Variants in GSG1L observed in about 807,000 individuals in gnomAD.
GSG1L encodes the protein germ cell-specific gene 1-like protein.
Under a neutral mutation model 42.1 loss-of-function variants are expected in GSG1L, and 24 were observed. That is an observed-to-expected ratio of 0.57 (90% CI 0.41 to 0.80). The LOEUF (loss-of-function observed/expected upper bound fraction) is 0.80, where lower values mean the gene tolerates loss of function less well. Among genes scored for constraint, GSG1L ranks in the 30% least tolerant of loss-of-function variants. The pLI, the probability that GSG1L is intolerant of heterozygous loss-of-function variation, is 0.00. For missense variants in GSG1L, 445 were observed against 472.2 expected (o/e 0.94, Z 0.53); for synonymous variants, 215 against 203.5 (o/e 1.06, Z -0.48).
At chr16:27,793,520 G>A (rs975054720) in intron 6 of GSG1L, among the ~76,000 whole-genome samples, 8 of 151,868 alleles carry the variant, frequency 5.3e-5, no homozygotes, top group African/African-American at 1.7e-4. Context: ...GCAAATATTT[G>A]GTGCATGGAA....
At chr16:27,811,763 C>T (rs908770239) in intron 5 of GSG1L, among the ~76,000 whole-genome samples, 18 of 152,232 alleles carry the variant, frequency 1.2e-4, no homozygotes, top group African/African-American at 4.3e-4. Flanking sequence ...ATTCTCCTGC[C>T]TCAGCCTCCC....
At chr16:27,886,941 CTCTT>C (rs957126010) in intron 2 of GSG1L, among the ~76,000 whole-genome samples, 28 of 152,062 alleles carry the variant, frequency 1.8e-4, no homozygotes, top group Admixed American at 8.5e-4. Context: ...TTTTCTTTCT[CTCTT>C]TCTTTCTTTT....
intron 2 of GSG1L, among the ~76,000 whole-genome samples, chr16:27,929,824 G>A (rs1349303335): frequency 6.6e-6 from 1 of 152,124 alleles, no homozygotes; most frequent in Non-Finnish European, 1.5e-5. Flanking sequence ...AGCATGGCGT[G>A]AGCAAACCAG....
chr16:28,044,572 C>T (rs1184197470), intron 1 of GSG1L, among the ~76,000 whole-genome samples: 7 of 150,848 alleles, frequency 4.6e-5, no homozygotes, highest in African/African-American at 1.7e-4. Flanking sequence ...ATTATCAGCA[C>T]TACAAAGAAA....
chr16:27,844,987 A>T lies in GSG1L; in HGVS notation c.625T>A (p.Trp209Arg), dbSNP rs745398472. The change falls in exon 4 of 7, where the codon TGG becomes AGG. Residue 209 changes from tryptophan (W) to arginine (R), a missense_variant. By Grantham distance (101) the Trp-to-Arg change is moderately radical. Coordinates refer to ENST00000447459, the MANE Select transcript of GSG1L (RefSeq NM_001109763.2). ...CCGTAGTCCCAGGAATGGGGTCTCC[A>T]GTCCTCAGGACCGAGGCTCACGGTG... Reference protein sequence around the residue: ...QVTVSLGPEDWRPHSWDYGWS... With the variant: ...QVTVSLGPEDRRPHSWDYGWS... 1 of 1,613,466 alleles carries T rather than the reference A, an allele frequency of 6.2e-7. No homozygotes were observed. Among genetic ancestry groups the T allele is most frequent in the Non-Finnish European group, 8.5e-7 (1 of 1,179,602 alleles).
chr16:28,011,582 T>C (rs1374471596), intron 1 of GSG1L, among the ~76,000 whole-genome samples: 1 of 152,156 alleles, frequency 6.6e-6, no homozygotes. Flanking sequence ...GTCAGAACCC[T>C]GGTTTTTGGG....
In GSG1L at chr16:27,923,224, AG is replaced by A. The variant is rs200655198; in HGVS notation, c.398-38587del. On this transcript the variant is annotated intron_variant, in intron 2 of 6. Coordinates refer to ENST00000447459, the MANE Select transcript of GSG1L (RefSeq NM_001109763.2). ...GGCTCTGCTGCTCCCGGCCAGGATCAGGTCTCTGTGTGGCACTCAGCACACC... is the reference window on the plus strand; with the variant it reads ...GGCTCTGCTGCTCCCGGCCAGGATCAGTCTCTGTGTGGCACTCAGCACACC... Among the ~76,000 whole-genome samples, 687 of 152,320 alleles carry A rather than the reference AG, an allele frequency of 4.5e-3. 4 individuals are homozygous for A. The highest frequency in any genetic ancestry group is 0.016 in the African/African-American group (672 of 41,574).
In GSG1L at chr16:27,867,851, A is replaced by T. The variant is rs568831667; in HGVS notation, c.550+16635T>A. On this transcript the variant is annotated intron_variant, in intron 3 of 6. Transcript: ENST00000447459. ...GCCACTTCCTGGCCACGCCCCTCAA[A>T]GTCCAGCTTTCCGGCTGAGTCGGAG... is the stretch of plus-strand genomic sequence containing the variant. Among the ~76,000 whole-genome samples the T allele has an allele frequency of 4.6e-5, 7 of 152,110 alleles. No homozygotes were observed. In the East Asian group the frequency reaches 1.4e-3, roughly 29 times the overall value.
chr16:28,063,057 G>T lies in GSG1L; in HGVS notation c.349+19C>A. On this transcript the variant is annotated intron_variant, in intron 1 of 6. Transcript: ENST00000447459. This position sits in a 1 kb window ranked among gnomAD's most constrained non-coding sequence, Gnocchi z 5.8. ...CGGGGGAGCCGGAGCCGAGCTGGCC[G>T]CCGCCCGCGCGCACTCACCAAGCCC... 2 of 1,394,804 alleles carry T rather than the reference G, an allele frequency of 1.4e-6. No individual in the cohort carries two copies. The highest frequency in any genetic ancestry group is 1.9e-6 in the Non-Finnish European group (2 of 1,068,172). The allele number at this position is 1,394,804 out of a possible 1,614,324, so 86.4% of individuals were successfully genotyped here. A position where few individuals can be genotyped will look rare whatever the true frequency, so the allele number is the denominator to read the frequency against.
At chr16:28,009,868 A>AT (rs2085692895) in intron 1 of GSG1L, among the ~76,000 whole-genome samples, 1 of 152,258 alleles carries the variant, frequency 6.6e-6, no homozygotes, top group South Asian at 2.1e-4. Flanking sequence ...ACAAGTGAAG[A>AT]AACTGTCTTA....
chr16:27,853,158 T>G (rs568551788), intron 3 of GSG1L, among the ~76,000 whole-genome samples: 1 of 152,330 alleles, frequency 6.6e-6, no homozygotes, highest in East Asian at 1.9e-4. Context: ...ATAAATCTCT[T>G]ATCTGAACGT....
rs959709671 is a variant in GSG1L at position 27,791,606 on chromosome 16, A to T, written c.899-139T>A. On this transcript the variant is annotated intron_variant, in intron 6 of 6. Coordinates refer to ENST00000447459, the MANE Select transcript of GSG1L (RefSeq NM_001109763.2). ...TGCCCATCATGCCTTTTGTCTACCG[A>T]TCCATGCCCAACACCACCAGCTCTC... The T allele has an allele frequency of 6.2e-6, 3 of 486,608 alleles. No individual in the cohort carries two copies. In the East Asian group the frequency reaches 1.1e-4, roughly 17 times the overall value. The allele number at this position is 486,608 out of a possible 1,614,324, so 30.1% of individuals were successfully genotyped here.
intron 2 of GSG1L, among the ~76,000 whole-genome samples, chr16:27,962,618 G>C (rs569037149): frequency 9.8e-5 from 15 of 152,290 alleles, no homozygotes; most frequent in Admixed American, 3.3e-4. Context: ...CTCAAGCTGT[G>C]CCCTGCTCCT....
At chr16:27,913,179 A>G (rs2084411978) in intron 2 of GSG1L, among the ~76,000 whole-genome samples, 1 of 152,202 alleles carries the variant, frequency 6.6e-6, no homozygotes, top group African/African-American at 2.4e-5. Flanking sequence ...GTACCCATGT[A>G]CCATGTTAAC....
intron 2 of GSG1L, among the ~76,000 whole-genome samples, chr16:27,948,908 C>CTATTATTATTAT (rs372937677): frequency 0.011 from 1,556 of 141,382 alleles, 28 homozygotes; most frequent in East Asian, 0.047. Flanking sequence ...CGCACCTGAT[C>CTATTATTATTAT]TATTATTATT....
rs578129490 is a variant in GSG1L, at chr16:27,788,062, A to T, written c.*3308T>A. The T allele has an allele frequency of 1.3e-5, 2 of 152,322 alleles. No homozygotes were observed. Among genetic ancestry groups the T allele is most frequent in the African/African-American group, 4.8e-5 (2 of 41,556 alleles). The allele number at this position is 152,322 out of a possible 1,614,324, so 9.4% of individuals were successfully genotyped here. A position where few individuals can be genotyped will look rare whatever the true frequency, so the allele number is the denominator to read the frequency against. ...GTTCGCTTGATGAATCAATGCGTGAATGAATGAGCACAAACCTCCAGCTGG... is the reference window on the plus strand; with the variant it reads ...GTTCGCTTGATGAATCAATGCGTGATTGAATGAGCACAAACCTCCAGCTGG... On this transcript the variant is annotated 3_prime_UTR_variant, in exon 7 of 7. Transcript: ENST00000447459.
At chr16:27,864,217 A>G (rs890979164) in intron 3 of GSG1L, among the ~76,000 whole-genome samples, 10 of 152,244 alleles carry the variant, frequency 6.6e-5, no homozygotes, top group Non-Finnish European at 1.5e-5. Flanking sequence ...CATTGTGGGC[A>G]AGGAGATGGA....
At chr16:28,053,774 T>C (rs2086246622) in intron 1 of GSG1L, among the ~76,000 whole-genome samples, 1 of 152,222 alleles carries the variant, frequency 6.6e-6, no homozygotes, top group African/African-American at 2.4e-5. Flanking sequence ...CGTGTGTCTC[T>C]TTCTCTGCCC....
At chr16:27,920,787 C>G (rs1434089481) in intron 2 of GSG1L, among the ~76,000 whole-genome samples, 4 of 152,286 alleles carry the variant, frequency 2.6e-5, no homozygotes, top group East Asian at 3.9e-4. Flanking sequence ...GGGGAGGAAA[C>G]AGCAAGGCAC....
Sources: gnomAD v4.1 joint callset for allele counts (sites outside exome capture counted in the v4.1 genomes callset) on GRCh38, gnomAD v4.1.1 for gene constraint, Gnocchi (gnomAD v3.1) non-coding constraint, MANE v1.5 for transcripts, NCBI Gene and HGNC (gene_info 2026-07-23, HGNC 2026-07-21) for gene names.